Variants in PCDH15 observed in about 807,000 individuals in gnomAD.
PCDH15 encodes the protein protocadherin related 15.
In PCDH15, 129 loss-of-function variants were observed where a neutral mutation model predicts 178.5. That is an observed-to-expected ratio of 0.72 (90% confidence interval 0.63 to 0.84). The LOEUF (loss-of-function observed/expected upper bound fraction) is 0.84. Among genes scored for constraint, PCDH15 ranks in the 40% least tolerant of loss-of-function variants. The pLI is 0.00. For synonymous variants in PCDH15, 800 were observed against 732.0 expected (o/e 1.09, Z -1.50); for missense variants, 2,230 against 2,099.9 (o/e 1.06, Z -1.21).
At chr10:55,460,372 C>T (rs1371741354) in intron 2 of PCDH15, among the ~76,000 whole-genome samples, 4 of 151,808 alleles carry the variant, frequency 2.6e-5, no homozygotes, top group East Asian at 1.9e-4. Flanking sequence ...TCAGTTAAAA[C>T]GCAATAGAAG....
At chr10:55,099,001 C>T (rs1842515041) in intron 2 of PCDH15, among the ~76,000 whole-genome samples, 1 of 149,270 alleles carries the variant, frequency 6.7e-6, no homozygotes, top group Non-Finnish European at 1.5e-5. Flanking sequence ...TTGTGTGTTG[C>T]GTGTCCTTAA....
intron 8 of PCDH15, among the ~76,000 whole-genome samples, chr10:54,269,291 A>C (rs2057899911): frequency 6.6e-6 from 1 of 151,974 alleles, no homozygotes; most frequent in African/African-American, 2.4e-5. Context: ...TGAAAGCAAT[A>C]TAGACTTTTT....
At position 54,153,340 on chromosome 10, in the gene PCDH15, C is replaced by T. The variant is rs753030000; in HGVS notation, c.1591-47G>A. On this transcript the variant is annotated intron_variant, in intron 13 of 37. Coordinates refer to ENST00000644397, the MANE Select transcript of PCDH15 (RefSeq NM_001384140.1). ...TAAATCCTCTTGGGTCTCAACTTTT[C>T]ACCACCATGTCGTTTTTTCCCCCAA... The T allele has an allele frequency of 1.9e-6, 3 of 1,601,796 alleles. No individual in the cohort carries two copies. In the Admixed American group the frequency reaches 5.0e-5, roughly 27 times the overall value.
At chr10:54,977,448 A>G (rs1169908031) in intron 2 of PCDH15, among the ~76,000 whole-genome samples, 1 of 152,154 alleles carries the variant, frequency 6.6e-6, no homozygotes, top group East Asian at 1.9e-4. Context: ...AGACACTCCT[A>G]TCAGTGCCAT....
chr10:54,402,273 T>C (rs867535100), intron 3 of PCDH15, among the ~76,000 whole-genome samples: 1 of 151,894 alleles, frequency 6.6e-6, no homozygotes, highest in South Asian at 2.1e-4. Context: ...CAGAACTAAA[T>C]TAAAGCTGAC....
intron 2 of PCDH15, among the ~76,000 whole-genome samples, chr10:55,520,723 A>G (rs1429827772): frequency 2.0e-5 from 3 of 151,712 alleles, no homozygotes; most frequent in Non-Finnish European, 4.4e-5. Flanking sequence ...TTGCAAATAG[A>G]GTATTCTGTT....
intron 8 of PCDH15, among the ~76,000 whole-genome samples, chr10:54,239,476 A>C (rs2891508): frequency 6.6e-6 from 1 of 150,786 alleles, no homozygotes; most frequent in East Asian, 1.9e-4. Context: ...TGTAGTATTT[A>C]GAATTATATT....
chr10:53,808,831 G>C, intron 37 of PCDH15: 1 of 1,610,782 alleles, frequency 6.2e-7, no homozygotes, highest in Non-Finnish European at 8.5e-7. Flanking sequence ...ACTACTACCT[G>C]ATTCTGATTC....
At chr10:55,587,272 G>C (rs1382508175) in intron 2 of PCDH15, among the ~76,000 whole-genome samples, 2 of 152,036 alleles carry the variant, frequency 1.3e-5, no homozygotes, top group Non-Finnish European at 2.9e-5. Context: ...GAGTTTGTAT[G>C]ATTTGTCAAG....
In PCDH15 at chr10:54,877,936, CTCTTTTTTTTTTTTTTTTTTTTTTT is replaced by C. The variant is rs1954178784; in HGVS notation, c.-29+19489_-29+19513del. The stretch of plus-strand genomic sequence containing the variant: ...TCTCTTATTCTCTTTCTCTCTCTCT[CTCTTTTTTTTTTTTTTTTTTTTTTT>C]TTTTTTTTTTTTTTTTGTTGAAGTG... On this transcript the variant is annotated intron_variant, in intron 3 of 5. Transcript: ENST00000458638. Among the ~76,000 whole-genome samples the C allele has an allele frequency of 8.6e-5, 9 of 104,326 alleles. 1 individual carries two copies. The highest frequency in any genetic ancestry group is 1.4e-4 in the African/African-American group (4 of 29,622). The allele number at this position is 104,326 out of a possible 152,430, so 68.4% of individuals were successfully genotyped here.
chr10:55,030,135 G>C (rs11004686), intron 2 of PCDH15, among the ~76,000 whole-genome samples: 86,497 of 152,012 alleles, frequency 0.57, 24,953 homozygotes, highest in East Asian at 0.75. Context: ...AATTAAGTCA[G>C]TTTCCAAAAA....
intron 23 of PCDH15, among the ~76,000 whole-genome samples, chr10:53,954,730 CT>C (rs2087444207): frequency 6.6e-6 from 1 of 152,126 alleles, no homozygotes; most frequent in South Asian, 2.1e-4. Context: ...ACTGAAATCA[CT>C]AAAAATACAG....
chr10:55,408,057 C>T (rs1838243129), intron 2 of PCDH15, among the ~76,000 whole-genome samples: 1 of 152,178 alleles, frequency 6.6e-6, no homozygotes, highest in Non-Finnish European at 1.5e-5. Flanking sequence ...TAACCAATAA[C>T]TTGCCATCAC....
intron 1 of PCDH15, among the ~76,000 whole-genome samples, chr10:54,715,849 C>T (rs934687861): frequency 3.9e-5 from 6 of 152,140 alleles, no homozygotes; most frequent in African/African-American, 1.4e-4. Context: ...GGTATATTTG[C>T]AGGCATTTGA....
At chr10:55,073,518 A>C (rs1029321032) in intron 2 of PCDH15, among the ~76,000 whole-genome samples, 1 of 152,152 alleles carries the variant, frequency 6.6e-6, no homozygotes, top group African/African-American at 2.4e-5. Flanking sequence ...AAAGAGAATA[A>C]AATACCTAGG....
chr10:54,701,711 G>A (rs1341750123), intron 1 of PCDH15, among the ~76,000 whole-genome samples: 1 of 151,918 alleles, frequency 6.6e-6, no homozygotes, highest in Non-Finnish European at 1.5e-5. Flanking sequence ...ACAAAGAAGA[G>A]CATTACATAA....
At chr10:54,745,096 C>G (rs1393532401) in intron 1 of PCDH15, among the ~76,000 whole-genome samples, 3 of 151,908 alleles carry the variant, frequency 2.0e-5, no homozygotes, top group African/African-American at 7.3e-5. Context: ...TACTACTTCA[C>G]AAGAAGGGGA....
chr10:54,748,895 T>TG (rs1465981493), intron 1 of PCDH15, among the ~76,000 whole-genome samples: 7 of 152,230 alleles, frequency 4.6e-5, no homozygotes, highest in African/African-American at 1.7e-4. Flanking sequence ...TCCCTTGCCC[T>TG]GGCAGTGGAT....
intron 8 of PCDH15, among the ~76,000 whole-genome samples, chr10:54,251,785 CCTAT>C (rs1299259837): frequency 9.2e-5 from 14 of 152,034 alleles, no homozygotes; most frequent in African/African-American, 3.1e-4. Context: ...CATCTTAAAT[CCTAT>C]CTTTCTGTCT....
Sources: allele counts gnomAD v4.1 joint callset (sites outside exome capture counted in the v4.1 genomes callset), GRCh38; gene constraint gnomAD v4.1.1; transcripts MANE v1.5; gene names NCBI Gene and HGNC (gene_info 2026-07-23, HGNC 2026-07-21).